Variants in PIK3CA observed in about 807,000 individuals in gnomAD.
PIK3CA encodes phosphatidylinositol-4,5-bisphosphate 3-kinase catalytic subunit alpha.
PIK3CA carries 27 observed loss-of-function variants against 138.2 expected under a neutral mutation model. That is an observed-to-expected ratio of 0.20 (90% CI 0.14 to 0.27). The LOEUF (loss-of-function observed/expected upper bound fraction) is 0.27, where lower values mean the gene tolerates loss of function less well. PIK3CA is among the 10% of genes least tolerant of loss of function. The pLI, the probability that PIK3CA is intolerant of heterozygous loss-of-function variation, is 1.00. For missense variants in PIK3CA, 544 were observed against 1,277.4 expected, an observed-to-expected ratio of 0.43 and a Z score of 8.75; for synonymous variants, 358 against 413.2, an observed-to-expected ratio of 0.87 and a Z score of 1.62.
chr3:179,205,085 A>G (rs956016665), intron 6 of PIK3CA, among the ~76,000 whole-genome samples: 2 of 147,184 alleles, frequency 1.4e-5, no homozygotes, highest in Non-Finnish European at 3.0e-5. Flanking sequence ...ATGTGCCTGT[A>G]GTCCCAGCCA....
chr3:179,203,813 T>C, intron 5 of PIK3CA, 24 bp downstream of exon 5: 5 of 1,532,516 alleles, frequency 3.3e-6, no homozygotes, highest in Non-Finnish European at 4.4e-6. Context: ...CTGATGCTTA[T>C]TATTTTATAG....
At chr3:179,215,043 AG>A (rs1366313682) in intron 9 of PIK3CA, among the ~76,000 whole-genome samples, 1 of 152,166 alleles carries the variant, frequency 6.6e-6, no homozygotes, top group Non-Finnish European at 1.5e-5. Context: ...TGTTGGCTAT[AG>A]ATAAACCAGC....
chr3:179,184,583 CA>C (rs1004269345), intron 1 of PIK3CA, among the ~76,000 whole-genome samples: 4 of 152,238 alleles, frequency 2.6e-5, no homozygotes, highest in African/African-American at 9.6e-5. Flanking sequence ...TAGTCCAAAG[CA>C]AAAAGACCTT....
intron 1 of PIK3CA, among the ~76,000 whole-genome samples, chr3:179,180,618 G>A (rs774297777): frequency 1.3e-5 from 2 of 152,112 alleles, no homozygotes; most frequent in Admixed American, 6.5e-5. Context: ...TGCAAGAGAG[G>A]AGTTGAAAGC....
intron 1 of PIK3CA, among the ~76,000 whole-genome samples, chr3:179,170,076 G>GCGCACACACACA (rs1553815527): frequency 2.2e-5 from 3 of 139,210 alleles, no homozygotes; most frequent in Non-Finnish European, 4.6e-5. Context: ...ACGCGCGCGC[G>GCGCACACACACA]CACACACACA....
At chr3:179,202,068 G>A (rs1200909478) in intron 4 of PIK3CA, among the ~76,000 whole-genome samples, 2 of 152,024 alleles carry the variant, frequency 1.3e-5, no homozygotes, top group Admixed American at 1.3e-4. Flanking sequence ...TTTTGTTGTT[G>A]TTTGTTTGTT....
chr3:179,237,877 A>C lies in PIK3CA; in HGVS notation c.*3513A>C. 4.8e-6 allele frequency: 1 copy of C among 210,508 alleles called. No homozygotes were observed. The highest frequency in any genetic ancestry group is 9.7e-6 in the Non-Finnish European group (1 of 103,548). 13.0% of individuals were successfully genotyped at this position (210,508 alleles called of 1,614,324 possible). A position where few individuals can be genotyped will look rare whatever the true frequency, so the allele number is the denominator to read the frequency against. ...AAGTTCCTCTTTTTTCTATGTCTGC[A>C]CAAACTGCAGACCTGGGCTGGACCC... On this transcript the variant is annotated 3_prime_UTR_variant, in exon 21 of 21. Transcript: ENST00000263967.
rs2108423266 is a variant in PIK3CA, at chr3:179,229,458, C to A, written c.2666+16C>A. ...AAGGAGAAATGTGAGTTGTATTATT[C>A]TTTCTTCCTATGTTAATCTAAGTTT... is the stretch of plus-strand genomic sequence containing the variant. On this transcript the variant is annotated intron_variant, in intron 18 of 20. Transcript: ENST00000263967. The A allele has an allele frequency of 6.3e-7, 1 of 1,595,380 alleles. No homozygotes were observed. Among genetic ancestry groups the A allele is most frequent in the Non-Finnish European group, 8.6e-7 (1 of 1,169,282 alleles).
intron 1 of PIK3CA, among the ~76,000 whole-genome samples, chr3:179,152,478 C>T (rs1265651682): frequency 6.6e-6 from 1 of 152,076 alleles, no homozygotes; most frequent in Non-Finnish European, 1.5e-5. Flanking sequence ...ATTTGAGGCA[C>T]CATGGTTCAA....
chr3:179,234,877 G>A lies in PIK3CA; in HGVS notation c.*513G>A, dbSNP rs1014442275. 35 of 229,978 alleles carry A rather than the reference G, an allele frequency of 1.5e-4. No individual in the cohort carries two copies. Among genetic ancestry groups the A allele is most frequent in the Non-Finnish European group, 5.2e-5 (6 of 115,934 alleles). 14.2% of individuals were successfully genotyped at this position (229,978 alleles called of 1,614,324 possible). On this transcript the variant is annotated 3_prime_UTR_variant, in exon 21 of 21. Coordinates refer to ENST00000263967, the MANE Select transcript of PIK3CA (RefSeq NM_006218.4). The surrounding 1 kb of genome is among the most constrained non-coding windows in gnomAD (Gnocchi z 5.1). Reference sequence around the variant, plus strand: ...TCCATTGCTGTTCAATTTATAGTTTGAAGTGGGTTTTTGACTGCTTGTTTA... The same window carrying A: ...TCCATTGCTGTTCAATTTATAGTTTAAAGTGGGTTTTTGACTGCTTGTTTA...
At chr3:179,165,697 T>C (rs1723400593) in intron 1 of PIK3CA, among the ~76,000 whole-genome samples, 2 of 152,216 alleles carry the variant, frequency 1.3e-5, no homozygotes, top group Non-Finnish European at 1.5e-5. Flanking sequence ...ATCAGCCTTC[T>C]TTTCTGTGCT....
chr3:179,178,051 T>G (rs1388340292), intron 1 of PIK3CA, among the ~76,000 whole-genome samples: 1 of 129,196 alleles, frequency 7.7e-6, no homozygotes, highest in Non-Finnish European at 1.6e-5. Flanking sequence ...ACCAGCCTGG[T>G]AACATAGTGA....
chr3:179,223,366 A>G (rs1174127929), intron 14 of PIK3CA, among the ~76,000 whole-genome samples: 1 of 152,216 alleles, frequency 6.6e-6, no homozygotes, highest in Non-Finnish European at 1.5e-5. Flanking sequence ...ATTGCGTGAT[A>G]ACTCAGCAGT....
intron 1 of PIK3CA, chr3:179,169,341 G>A (rs991460758): frequency 5.9e-5 from 9 of 151,706 alleles, no homozygotes; most frequent in African/African-American, 2.2e-4. Context: ...AAATCCTATT[G>A]GCATTTTATT....
chr3:179,207,394 T>C (rs983938243), intron 6 of PIK3CA, among the ~76,000 whole-genome samples: 1 of 152,192 alleles, frequency 6.6e-6, no homozygotes, highest in African/African-American at 2.4e-5. Flanking sequence ...AGAAACATGC[T>C]TTATTTTGTT....
intron 1 of PIK3CA, among the ~76,000 whole-genome samples, chr3:179,187,201 C>T (rs1172975262): frequency 6.6e-6 from 1 of 151,778 alleles, no homozygotes; most frequent in East Asian, 1.9e-4. Context: ...GTTCTGTTTC[C>T]CTTTCTGGAC....
chr3:179,184,603 CAT>C (rs1447010622), intron 1 of PIK3CA, among the ~76,000 whole-genome samples: 1 of 152,154 alleles, frequency 6.6e-6, no homozygotes, highest in African/African-American at 2.4e-5. Context: ...TTCTGTGAAA[CAT>C]ATGTGGATGC....
intron 9 of PIK3CA, among the ~76,000 whole-genome samples, chr3:179,213,711 GC>G (rs780635134): frequency 8.9e-4 from 136 of 152,196 alleles, no homozygotes; most frequent in Non-Finnish European, 1.4e-3. Context: ...AGCTGCATTA[GC>G]CCCTAACAAG....
intron 3 of PIK3CA, 70 bp downstream of exon 3, chr3:179,199,969 A>G (rs1220733857): frequency 1.6e-5 from 15 of 934,414 alleles, no homozygotes; most frequent in East Asian, 7.3e-5. Context: ...ATATCTTTGT[A>G]TAGTCTTTTT....
Sources: gnomAD v4.1 joint callset for allele counts (sites outside exome capture counted in the v4.1 genomes callset) on GRCh38, gnomAD v4.1.1 for gene constraint, Gnocchi (gnomAD v3.1) non-coding constraint, MANE v1.5 for transcripts, NCBI Gene and HGNC (gene_info 2026-07-23, HGNC 2026-07-21) for gene names.